The following SYNPO2 variants were observed in gnomAD, a reference collection of about 807,000 sequenced individuals.
SYNPO2 encodes the protein synaptopodin 2, also known as synaptopodin-2.
A neutral mutation model predicts 85.0 loss-of-function variants in SYNPO2; 56 were observed. That is an observed-to-expected ratio of 0.66 (90% CI 0.53 to 0.82). The LOEUF (loss-of-function observed/expected upper bound fraction) is 0.82, where lower values mean the gene tolerates loss of function less well. Ranked by LOEUF, SYNPO2 falls within the 40% of genes least tolerant of loss-of-function variation. SYNPO2 has a pLI of 0.00. For synonymous variants in SYNPO2, 602 were observed against 591.1 expected, an observed-to-expected ratio of 1.02 and a Z score of -0.27; for missense variants, 1,575 against 1,534.2, an observed-to-expected ratio of 1.03 and a Z score of -0.44.
At chr4:118,884,474 C>A (rs28686470), upstream of SYNPO2, among the ~76,000 whole-genome samples, 168 of 152,288 alleles carry the variant, frequency 1.1e-3, no homozygotes, top group African/African-American at 3.7e-3. Flanking sequence ...GATTTTGGCT[C>A]AGGTTTTGTA....
At chr4:119,053,898 C>T (rs1017795296) in intron 4 of SYNPO2, among the ~76,000 whole-genome samples, 5 of 152,042 alleles carry the variant, frequency 3.3e-5, no homozygotes, top group African/African-American at 1.2e-4. Context: ...TATATATGTT[C>T]AGGGGCCTCA....
At chr4:118,878,399 T>G (rs1216270355) in intron 1 of SYNPO2, among the ~76,000 whole-genome samples, 1 of 152,162 alleles carries the variant, frequency 6.6e-6, no homozygotes, top group Non-Finnish European at 1.5e-5. Flanking sequence ...AAAAGAATAT[T>G]ATTTTATCAC....
intron 1 of SYNPO2, among the ~76,000 whole-genome samples, chr4:118,976,434 A>G (rs969411379): frequency 6.6e-6 from 1 of 152,162 alleles, no homozygotes; most frequent in African/African-American, 2.4e-5. Context: ...GCAAAGTGCA[A>G]AAGAACAAAG....
intron 1 of SYNPO2, among the ~76,000 whole-genome samples, chr4:118,941,473 T>C (rs1338746388): frequency 6.6e-6 from 1 of 152,218 alleles, no homozygotes; most frequent in Non-Finnish European, 1.5e-5. Flanking sequence ...GGCTTCCAAT[T>C]GCCTTCAAGA....
chr4:119,039,247 GTGTAACATGGTA>G (rs1738632438), intron 4 of SYNPO2, among the ~76,000 whole-genome samples: 2 of 152,194 alleles, frequency 1.3e-5, no homozygotes, highest in South Asian at 4.2e-4. Context: ...TAAGGAACTT[GTGTAACATGGTA>G]GGGCTAAGCC....
At chr4:118,961,456 T>C (rs1401706133) in intron 1 of SYNPO2, among the ~76,000 whole-genome samples, 2 of 152,168 alleles carry the variant, frequency 1.3e-5, no homozygotes, top group African/African-American at 2.4e-5. Flanking sequence ...GGTTGAAACA[T>C]ACTTTTCCTA....
At chr4:118,895,393 G>A (rs536607850) in intron 1 of SYNPO2, among the ~76,000 whole-genome samples, 1 of 152,194 alleles carries the variant, frequency 6.6e-6, no homozygotes, top group Non-Finnish European at 1.5e-5. Flanking sequence ...ATGAGGTGGC[G>A]TTTCTCTCTT....
chr4:118,871,860 C>T (rs536918254), intron 1 of SYNPO2, among the ~76,000 whole-genome samples: 26 of 152,338 alleles, frequency 1.7e-4, no homozygotes, highest in South Asian at 1.0e-3. Context: ...TGAGCCACCG[C>T]ACCTGGCCTA....
At chr4:118,879,380 A>G (rs1287987286) in intron 1 of SYNPO2, among the ~76,000 whole-genome samples, 1 of 152,182 alleles carries the variant, frequency 6.6e-6, no homozygotes, top group African/African-American at 2.4e-5. Context: ...TGAATCCTAA[A>G]TCCCCAGTGT....
chr4:118,881,138 T>C (rs1194988827), intron 1 of SYNPO2, among the ~76,000 whole-genome samples: 1 of 151,740 alleles, frequency 6.6e-6, no homozygotes, highest in Non-Finnish European at 1.5e-5. Context: ...TCGTCTCTAC[T>C]AAAAATACAA....
chr4:118,999,864 G>A (rs1277471268), intron 1 of SYNPO2, among the ~76,000 whole-genome samples: 3 of 152,136 alleles, frequency 2.0e-5, no homozygotes, highest in African/African-American at 4.8e-5. Context: ...CTATTGCCTG[G>A]TACTTTTTAA....
chr4:119,037,310 A>T lies in SYNPO2; in HGVS notation c.3252+5283A>T, dbSNP rs535415283. 23 of 1,295,498 alleles carry T rather than the reference A, an allele frequency of 1.8e-5. No individual in the cohort carries two copies. In the East Asian group the frequency reaches 5.8e-4, roughly 33 times the overall value. The allele number at this position is 1,295,498 out of a possible 1,614,324, so 80.3% of individuals were successfully genotyped here. On this transcript the variant is annotated intron_variant, in intron 4 of 4. Coordinates refer to ENST00000307142, the MANE Select transcript of SYNPO2 (RefSeq NM_133477.3). ...GGTTTGTTCATGAAAAAAAATTTTT[A>T]AATCAAAAGATTGTACTTGGCCCTG...
intron 1 of SYNPO2, among the ~76,000 whole-genome samples, chr4:118,882,169 TG>T (rs1052003965): frequency 7.2e-5 from 11 of 152,162 alleles, no homozygotes; most frequent in Non-Finnish European, 1.5e-4. Context: ...CACTTTTTAT[TG>T]GGGGGAAGTA....
chr4:119,041,671 T>A (rs1480334909), intron 4 of SYNPO2, among the ~76,000 whole-genome samples: 1 of 152,228 alleles, frequency 6.6e-6, no homozygotes, highest in East Asian at 1.9e-4. Flanking sequence ...CAACACTAAA[T>A]ATATTACTTA....
In SYNPO2 at chr4:119,017,454, G is replaced by A. The variant is rs564789314; in HGVS notation, c.106-5976G>A. ...TTAAACCTTGTCTTACAGGTATGAG[G>A]CAGTTTTGAGAAATGCCTGAAGTGG... is the stretch of plus-strand genomic sequence containing the variant. On this transcript the variant is annotated intron_variant, in intron 1 of 4. Transcript: ENST00000307142. 6.4e-4 allele frequency among the ~76,000 whole-genome samples: 98 copies of A among 152,230 alleles called. 1 individual carries two copies. The South Asian group carries it at 0.02, about 30-fold the overall frequency.
chr4:118,884,902 CT>C (rs1560822421), upstream of SYNPO2, among the ~76,000 whole-genome samples: 2 of 152,088 alleles, frequency 1.3e-5, no homozygotes, highest in African/African-American at 4.8e-5. Context: ...CTTAAGAGAC[CT>C]TTAGACTGAG....
chr4:118,869,459 T>C (rs1731762728), intron 1 of SYNPO2, among the ~76,000 whole-genome samples: 6 of 152,252 alleles, frequency 3.9e-5, no homozygotes, highest in Admixed American at 3.3e-4. Flanking sequence ...AGATTTAATA[T>C]GTTCATTTAA....
chr4:118,902,168 TA>T (rs1732777124), intron 1 of SYNPO2, among the ~76,000 whole-genome samples: 1 of 152,222 alleles, frequency 6.6e-6, no homozygotes, highest in African/African-American at 2.4e-5. Flanking sequence ...TTCCCATCAT[TA>T]AATGATTAAT....
chr4:119,047,281 A>C (rs749631739), intron 4 of SYNPO2, among the ~76,000 whole-genome samples: 4 of 152,212 alleles, frequency 2.6e-5, no homozygotes, highest in Non-Finnish European at 4.4e-5. Flanking sequence ...GCTGATCATG[A>C]ACTCCTTACC....
Sources: gnomAD v4.1 joint callset for allele counts (sites outside exome capture counted in the v4.1 genomes callset) on GRCh38, gnomAD v4.1.1 for gene constraint, MANE v1.5 for transcripts, NCBI Gene and HGNC (gene_info 2026-07-23, HGNC 2026-07-21) for gene names.